PXK: variants seen among roughly 807,000 people sequenced by gnomAD.
The protein encoded by PXK is PX domain-containing protein kinase-like protein.
Under a neutral mutation model 84.7 loss-of-function variants are expected in PXK, and 35 were observed. The observed-to-expected ratio is 0.41, with a 90% CI of 0.32 to 0.55. PXK has a LOEUF of 0.55. Ranked by LOEUF, PXK falls within the 20% of genes least tolerant of loss-of-function variation. The pLI is 0.21. For missense variants in PXK, 634 were observed against 699.7 expected (o/e 0.91, Z 1.06); for synonymous variants, 253 against 260.8 (o/e 0.97, Z 0.29).
intron 9 of PXK, 87 bp downstream of exon 9, chr3:58,395,846 ATTAC>A (rs2057577186): frequency 9.3e-7 from 1 of 1,074,968 alleles, no homozygotes; most frequent in Non-Finnish European, 1.4e-6. Context: ...AATATCCAAA[ATTAC>A]TTAAGTTGTC....
At position 58,425,877 on chromosome 3, in the gene PXK, A is replaced by G. The variant is rs991652408; in HGVS notation, c.*917A>G. The stretch of plus-strand genomic sequence containing the variant: ...CTGATTTGCTTAAACCTTTCAATAA[A>G]TTGCACTTTAAAGGATTATAAATAA... On this transcript the variant is annotated 3_prime_UTR_variant, in exon 18 of 18. Transcript: ENST00000356151. The G allele has an allele frequency of 7.9e-5, 12 of 152,354 alleles. No individual in the cohort carries two copies. The highest frequency in any genetic ancestry group is 1.5e-4 in the Non-Finnish European group (10 of 68,034). The allele number at this position is 152,354 out of a possible 1,614,324, so 9.4% of individuals were successfully genotyped here.
intron 1 of PXK, among the ~76,000 whole-genome samples, chr3:58,353,492 A>G (rs902768590): frequency 2.0e-5 from 3 of 152,226 alleles, no homozygotes; most frequent in Non-Finnish European, 2.9e-5. Context: ...AACAAAACAA[A>G]GGTAGGTTCT....
chr3:58,353,529 A>G (rs1209345965), intron 1 of PXK, among the ~76,000 whole-genome samples: 1 of 152,222 alleles, frequency 6.6e-6, no homozygotes, highest in Non-Finnish European at 1.5e-5. Context: ...AGATGAAACG[A>G]CAGTAAATAA....
chr3:58,381,578 A>G (rs1343100232), intron 3 of PXK, among the ~76,000 whole-genome samples: 2 of 145,834 alleles, frequency 1.4e-5, no homozygotes, highest in African/African-American at 5.0e-5. Flanking sequence ...AAAAAAGACT[A>G]CAAGTTGCTG....
chr3:58,345,446 C>G (rs2097797376), intron 1 of PXK, among the ~76,000 whole-genome samples: 1 of 152,158 alleles, frequency 6.6e-6, no homozygotes, highest in African/African-American at 2.4e-5. Flanking sequence ...AGGAATACAA[C>G]TTAAGGCCCT....
intron 7 of PXK, among the ~76,000 whole-genome samples, chr3:58,393,695 C>G (rs1243335572): frequency 6.6e-6 from 1 of 152,140 alleles, no homozygotes; most frequent in Admixed American, 6.5e-5. Context: ...TATACCCATA[C>G]TTAATTTCTT....
At chr3:58,334,102 AG>A (rs2097546014) in intron 1 of PXK, among the ~76,000 whole-genome samples, 3 of 152,108 alleles carry the variant, frequency 2.0e-5, no homozygotes, top group Non-Finnish European at 4.4e-5. Context: ...CATCATCTGG[AG>A]GCTAAAGCTC....
At chr3:58,424,632 T>C (rs2062552435) in intron 17 of PXK, 120 bp from the exon 18 acceptor site, 1 of 1,370,732 alleles carries the variant, frequency 7.3e-7, no homozygotes, top group Non-Finnish European at 9.8e-7. Context: ...CTAGGTATGT[T>C]GGTCCCTCTG....
intron 3 of PXK, among the ~76,000 whole-genome samples, chr3:58,376,260 C>T (rs577541836): frequency 6.6e-6 from 1 of 151,894 alleles, no homozygotes; most frequent in South Asian, 2.1e-4. Context: ...ACTAAAAATA[C>T]AAAAATTAGC....
intron 17 of PXK, among the ~76,000 whole-genome samples, chr3:58,418,400 C>G (rs2061317664): frequency 6.6e-6 from 1 of 152,112 alleles, no homozygotes; most frequent in Non-Finnish European, 1.5e-5. Context: ...GGTGCTAGAG[C>G]CAGGAGTGTA....
At position 58,333,536 on chromosome 3, in the gene PXK, G is replaced by A. The variant is rs1306039451; in HGVS notation, c.102+446G>A. The stretch of plus-strand genomic sequence containing the variant: ...GAGGGTCTGGGTGATGGGGATGAGG[G>A]TGTGCCGGGCCAAATGAAGTGTGAC... On this transcript the variant is annotated intron_variant, in intron 1 of 17. Transcript: ENST00000356151. The surrounding 1 kb of genome is among the most constrained non-coding windows in gnomAD (Gnocchi z 5.4). 2.2e-6 allele frequency: 1 copy of A among 456,632 alleles called. No homozygotes were observed. 28.3% of individuals were successfully genotyped at this position (456,632 alleles called of 1,614,324 possible). A position where few individuals can be genotyped will look rare whatever the true frequency, so the allele number is the denominator to read the frequency against.
intron 1 of PXK, among the ~76,000 whole-genome samples, chr3:58,341,969 G>C (rs1215062112): frequency 6.6e-6 from 1 of 152,100 alleles, no homozygotes; most frequent in African/African-American, 2.4e-5. Context: ...CTCCCAAAGT[G>C]CTGGGATTAC....
rs555033587 is a variant in PXK at position 58,368,359 on chromosome 3, G to C, written c.154-1072G>C. 2.0e-5 allele frequency among the ~76,000 whole-genome samples: 3 copies of C among 152,110 alleles called. No homozygotes were observed. The South Asian group carries it at 6.2e-4, about 32-fold the overall frequency. On this transcript the variant is annotated intron_variant, in intron 2 of 17. Coordinates refer to ENST00000356151, the MANE Select transcript of PXK (RefSeq NM_017771.5). Reference sequence around the variant, plus strand: ...TTTTTTTTAGACAGAGTCTCATTCTGTTGCCCGGGCTGGAATGCAGTGGAG... The same window carrying C: ...TTTTTTTTAGACAGAGTCTCATTCTCTTGCCCGGGCTGGAATGCAGTGGAG...
intron 13 of PXK, among the ~76,000 whole-genome samples, chr3:58,408,245 A>C (rs190041689): frequency 6.6e-6 from 1 of 152,322 alleles, no homozygotes. Flanking sequence ...ATCTGCCTGC[A>C]TGTCAGTACC....
chr3:58,341,189 A>G (rs77152608), intron 1 of PXK, among the ~76,000 whole-genome samples: 15,293 of 152,120 alleles, frequency 0.1, 1,008 homozygotes, highest in African/African-American at 0.17. Flanking sequence ...GTTTCTTCAG[A>G]TTGACCATTT....
rs2058838713 is a variant in PXK at position 58,403,012 on chromosome 3, T to A, written c.1182-850T>A. ...ACTTTTTTGCAATAACATACCCTTT[T>A]TTTTTTTTTTAAGATGGAGTCTTGC... On this transcript the variant is annotated intron_variant, in intron 12 of 17. Coordinates refer to ENST00000356151, the MANE Select transcript of PXK (RefSeq NM_017771.5). 1.3e-5 allele frequency among the ~76,000 whole-genome samples: 2 copies of A among 151,426 alleles called. 1 individual carries two copies. The highest frequency in any genetic ancestry group is 4.2e-4 in the South Asian group (2 of 4,806).
At chr3:58,362,758 G>C (rs1219681099) in intron 1 of PXK, among the ~76,000 whole-genome samples, 1 of 152,156 alleles carries the variant, frequency 6.6e-6, no homozygotes, top group Non-Finnish European at 1.5e-5. Flanking sequence ...CTCTTGCCCA[G>C]GCTGGAGTGC....
chr3:58,391,826 C>T lies in PXK; in HGVS notation c.594C>T (p.Ile198=). 1 of 1,612,480 alleles carries T rather than the reference C, an allele frequency of 6.2e-7. No individual in the cohort carries two copies. Among genetic ancestry groups the T allele is most frequent in the Non-Finnish European group, 8.5e-7 (1 of 1,178,524 alleles). Residue 198 remains isoleucine (I), a synonymous_variant, in exon 7 of 18, where the codon ATC becomes ATT. Coordinates refer to ENST00000356151, the MANE Select transcript of PXK (RefSeq NM_017771.5). ...CAGATAAAGATTTTCAGTGTCTAAT[C>T]AAACTTCTGCCTTCTTGTTTGGTGA... The part of the protein sequence containing the change: ...YLSDKDFQCL[I]KLLPSCLHPY...
In PXK at chr3:58,401,342, G is replaced by A. The variant is rs913387053; in HGVS notation, c.1181+1965G>A. On this transcript the variant is annotated intron_variant, in intron 12 of 17. Coordinates refer to ENST00000356151, the MANE Select transcript of PXK (RefSeq NM_017771.5). This position sits in a 1 kb window ranked among gnomAD's most constrained non-coding sequence, Gnocchi z 4.4. ...AAAAAAGAGTAATATAGCTGGGCGC[G>A]GTGGCTCACACCTATAATCCCAGCA... Among the ~76,000 whole-genome samples, 8 of 152,010 alleles carry A rather than the reference G, an allele frequency of 5.3e-5. No homozygotes were observed. The highest frequency in any genetic ancestry group is 1.4e-4 in the African/African-American group (6 of 41,388).
Sources: allele counts gnomAD v4.1 joint callset (sites outside exome capture counted in the v4.1 genomes callset), GRCh38; gene constraint gnomAD v4.1.1; non-coding constraint Gnocchi (gnomAD v3.1); transcripts MANE v1.5; gene names NCBI Gene and HGNC (gene_info 2026-07-23, HGNC 2026-07-21).